The following ALG14 variants were observed in gnomAD, a reference collection of about 807,000 sequenced individuals.
The protein encoded by ALG14 is ALG14 UDP-N-acetylglucosaminyltransferase subunit, also known as UDP-N-acetylglucosamine transferase subunit ALG14.
Under a neutral mutation model 22.8 loss-of-function variants are expected in ALG14, and 17 were observed. That is an observed-to-expected ratio of 0.75 (90% CI 0.51 to 1.12). The LOEUF (loss-of-function observed/expected upper bound fraction) is 1.12, where lower values mean the gene tolerates loss of function less well. Ranked by LOEUF, ALG14 falls within the 50% of genes most tolerant of loss-of-function variation. The probability of loss-of-function intolerance (pLI) is 0.00; values close to 1 mark genes in which losing one functional copy is unlikely to be tolerated. For synonymous variants in ALG14, 89 were observed against 103.7 expected (o/e 0.86, Z 0.86); for missense variants, 288 against 271.8 (o/e 1.06, Z -0.42).
intron 2 of ALG14, among the ~76,000 whole-genome samples, chr1:95,056,660 A>T (rs532560287): frequency 6.6e-6 from 1 of 152,176 alleles, no homozygotes; most frequent in African/African-American, 2.4e-5. Flanking sequence ...GAAAAGAAAA[A>T]TATTAAAACT....
intron 2 of ALG14, among the ~76,000 whole-genome samples, chr1:95,036,419 C>CTT (rs35068075): frequency 0.013 from 902 of 71,886 alleles, no homozygotes; most frequent in Non-Finnish European, 0.017. Flanking sequence ...AATTAAACCT[C>CTT]TTTTTTTTTT....
At chr1:95,035,540 G>C (rs886786431) in intron 2 of ALG14, among the ~76,000 whole-genome samples, 5 of 152,170 alleles carry the variant, frequency 3.3e-5, no homozygotes, top group Admixed American at 1.3e-4. Context: ...ATGCTGAAGA[G>C]TGAAAAAACA....
At chr1:95,037,053 G>C (rs1326627261) in intron 2 of ALG14, among the ~76,000 whole-genome samples, 1 of 152,130 alleles carries the variant, frequency 6.6e-6, no homozygotes, top group Non-Finnish European at 1.5e-5. Flanking sequence ...GAGACTTCAG[G>C]GAAAAACAAA....
At chr1:95,055,774 C>T (rs146711574) in intron 2 of ALG14, among the ~76,000 whole-genome samples, 1,820 of 139,072 alleles carry the variant, frequency 0.013, 20 homozygotes, top group Non-Finnish European at 0.02. Flanking sequence ...GGGCGGATCA[C>T]GAGGTCAGCA....
At chr1:94,986,284 A>C (rs945099260) in intron 3 of ALG14, among the ~76,000 whole-genome samples, 3 of 152,192 alleles carry the variant, frequency 2.0e-5, no homozygotes, top group Non-Finnish European at 4.4e-5. Context: ...AGAACAGTGT[A>C]TACTCTGCAC....
In ALG14 at chr1:95,072,935, C is replaced by A. The variant is rs1675625677; in HGVS notation, c.-37G>T. On this transcript the variant is annotated 5_prime_UTR_variant, in exon 1 of 4. Transcript: ENST00000370205. The stretch of plus-strand genomic sequence containing the variant: ...GCGCATGCGTCCAACTTCCGGGGAC[C>A]AGCCGCTGTCAAAGTTCACAACTAC... 2 of 1,611,084 alleles carry A rather than the reference C, an allele frequency of 1.2e-6. No homozygotes were observed. The highest frequency in any genetic ancestry group is 1.7e-6 in the Non-Finnish European group (2 of 1,179,002).
rs1557935948 is a variant in ALG14 at position 94,982,697 on chromosome 1, T to TATAAA, written c.*378_*379insTTTAT. On this transcript the variant is annotated 3_prime_UTR_variant, in exon 4 of 4. Coordinates refer to ENST00000370205, the MANE Select transcript of ALG14 (RefSeq NM_144988.4). ...TCTTCTTTTACAATGCAGAATACTT[T>TATAAA]ACAAAAAAAAAAAAAAAAAAAAAAA... 1 of 11,874 alleles carries TATAAA rather than the reference T, an allele frequency of 8.4e-5. No individual in the cohort carries two copies. The allele number at this position is 11,874 out of a possible 1,614,324, so 0.7% of individuals were successfully genotyped here. A position where few individuals can be genotyped will look rare whatever the true frequency, so the allele number is the denominator to read the frequency against.
intron 3 of ALG14, among the ~76,000 whole-genome samples, chr1:94,988,284 C>G (rs2100716688): frequency 6.6e-6 from 1 of 152,252 alleles, no homozygotes; most frequent in East Asian, 1.9e-4. Flanking sequence ...GAAGCAAAGT[C>G]AGGAAAATGC....
At chr1:94,991,498 A>C (rs1300505652) in intron 3 of ALG14, among the ~76,000 whole-genome samples, 1 of 152,220 alleles carries the variant, frequency 6.6e-6, no homozygotes, top group Non-Finnish European at 1.5e-5. Flanking sequence ...AACATAGAGA[A>C]AGTAGAGTAA....
chr1:95,058,954 G>A (rs2100829253), intron 2 of ALG14, among the ~76,000 whole-genome samples: 1 of 151,926 alleles, frequency 6.6e-6, no homozygotes, highest in East Asian at 2.0e-4. Flanking sequence ...ATTGCCTGGA[G>A]AATTCCTTTA....
rs529831841 is a variant in ALG14, at chr1:95,020,113, A to T, written c.420+7016T>A. 4.6e-5 allele frequency among the ~76,000 whole-genome samples: 7 copies of T among 152,162 alleles called. No homozygotes were observed. The East Asian group carries it at 1.4e-3, about 29-fold the overall frequency. On this transcript the variant is annotated intron_variant, in intron 3 of 3. Coordinates refer to ENST00000370205, the MANE Select transcript of ALG14 (RefSeq NM_144988.4). Reference sequence around the variant, plus strand: ...TGCGTCTATAATCCCGCTACTCAGGAGGCTGAGGCAGGAGAATCGCTTGAA... The same window carrying T: ...TGCGTCTATAATCCCGCTACTCAGGTGGCTGAGGCAGGAGAATCGCTTGAA...
chr1:95,072,756 T>C lies in ALG14; in HGVS notation c.136+7A>G, dbSNP rs746573730. On this transcript the variant is annotated splice_region_variant and intron_variant, in intron 1 of 3. Coordinates refer to ENST00000370205, the MANE Select transcript of ALG14 (RefSeq NM_144988.4). ...CCAAGTCCGACAGTCGCCTCCTCGA[T>C]ACTTACCGGACCCAGCCACTACCAA... 1 of 1,606,672 alleles carries C rather than the reference T, an allele frequency of 6.2e-7. No individual in the cohort carries two copies. The highest frequency in any genetic ancestry group is 8.5e-7 in the Non-Finnish European group (1 of 1,177,036).
At chr1:94,993,963 A>C (rs547599493) in intron 3 of ALG14, among the ~76,000 whole-genome samples, 3 of 152,328 alleles carry the variant, frequency 2.0e-5, no homozygotes, top group African/African-American at 7.2e-5. Flanking sequence ...CAGGGAAGAC[A>C]AAAGAGCTCA....
intron 3 of ALG14, among the ~76,000 whole-genome samples, chr1:94,986,900 T>A (rs4618984): frequency 0.022 from 3,385 of 152,124 alleles, 131 homozygotes; most frequent in African/African-American, 0.078. Flanking sequence ...GGAGAGGATG[T>A]ATGACTCCAG....
intron 2 of ALG14, among the ~76,000 whole-genome samples, chr1:95,056,008 C>CAA (rs71588538): frequency 0.064 from 6,849 of 106,988 alleles, 225 homozygotes; most frequent in South Asian, 0.11. Flanking sequence ...GACTCTGTCT[C>CAA]AAAAAAAAAA....
At chr1:95,036,497 G>T (rs1674200003) in intron 2 of ALG14, among the ~76,000 whole-genome samples, 1 of 140,580 alleles carries the variant, frequency 7.1e-6, no homozygotes, top group South Asian at 2.2e-4. Flanking sequence ...TGCGATCTCG[G>T]CTCACTGCAA....
At chr1:94,983,478 G>C in intron 3 of ALG14, 172 bp from the exon 4 acceptor site, 1 of 601,520 alleles carries the variant, frequency 1.7e-6, no homozygotes, top group Non-Finnish European at 2.9e-6. Flanking sequence ...CATGCACTTT[G>C]GAGCCAGGCA....
At chr1:95,007,223 G>A (rs1206114868) in intron 3 of ALG14, among the ~76,000 whole-genome samples, 3 of 152,076 alleles carry the variant, frequency 2.0e-5, no homozygotes, top group African/African-American at 4.8e-5. Flanking sequence ...CCCTTTGTTC[G>A]TTTTTGTTGT....
rs371301847 is a variant in ALG14, at chr1:94,992,420, C to G, written c.421-9114G>C. On this transcript the variant is annotated intron_variant, in intron 3 of 3. Coordinates refer to ENST00000370205, the MANE Select transcript of ALG14 (RefSeq NM_144988.4). The stretch of plus-strand genomic sequence containing the variant: ...CTTTCCTGAGGAGGTGACTTACTTA[C>G]AAGCAAGTATCTGATGAATTGGTAG... Among the ~76,000 whole-genome samples, 7 of 152,248 alleles carry G rather than the reference C, an allele frequency of 4.6e-5. No individual in the cohort carries two copies. In the East Asian group the frequency reaches 1.4e-3, roughly 29 times the overall value.
Sources: gnomAD v4.1 joint callset for allele counts (sites outside exome capture counted in the v4.1 genomes callset) on GRCh38, gnomAD v4.1.1 for gene constraint, MANE v1.5 for transcripts, NCBI Gene and HGNC (gene_info 2026-07-23, HGNC 2026-07-21) for gene names.